GAK: variants seen among roughly 807,000 people sequenced by gnomAD.
The protein encoded by GAK is cyclin G associated kinase.
Under a neutral mutation model 143.9 loss-of-function variants are expected in GAK, and 79 were observed. The observed-to-expected ratio is 0.55, with a 90% CI of 0.46 to 0.66. GAK has a LOEUF of 0.66. Ranked by LOEUF, GAK falls within the 30% of genes least tolerant of loss-of-function variation. GAK has a pLI of 0.00. For missense variants in GAK, 1,693 were observed against 1,779.7 expected, an observed-to-expected ratio of 0.95 and a Z score of 0.88; for synonymous variants, 881 against 765.5, an observed-to-expected ratio of 1.15 and a Z score of -2.49.
chr4:867,272 C>T lies in GAK; in HGVS notation c.2556G>A (p.Leu852=), dbSNP rs1309035242. Reference sequence around the variant, plus strand: ...AGTCCTGCTGCACCAGCCCTGCTGCCAGGCCGGGGGGCTCTGGGTCGGCCC... The same window carrying T: ...AGTCCTGCTGCACCAGCCCTGCTGCTAGGCCGGGGGGCTCTGGGTCGGCCC... ...EPRADPEPPG[L]AAGLVQQDLV... Residue 852 remains leucine, a synonymous_variant, in exon 21 of 28, where the codon CTG becomes CTA. Transcript: ENST00000314167. The T allele has an allele frequency of 6.2e-7, 1 of 1,613,150 alleles. No individual in the cohort carries two copies. Among genetic ancestry groups the T allele is most frequent in the African/African-American group, 1.3e-5 (1 of 75,044 alleles).
At chr4:882,419 C>T (rs534010043) in intron 14 of GAK, among the ~76,000 whole-genome samples, 1 of 152,302 alleles carries the variant, frequency 6.6e-6, no homozygotes, top group East Asian at 1.9e-4. Context: ...CTTAGGTGGC[C>T]ACCGAGCAGG....
At chr4:895,597 G>A (rs1022884193) in intron 7 of GAK, among the ~76,000 whole-genome samples, 7 of 152,224 alleles carry the variant, frequency 4.6e-5, no homozygotes, top group Non-Finnish European at 8.8e-5. Flanking sequence ...CGGCTGACCC[G>A]GTCCGTAGGC....
intron 15 of GAK, among the ~76,000 whole-genome samples, chr4:881,697 A>T (rs1351058327): frequency 6.6e-6 from 1 of 152,242 alleles, no homozygotes; most frequent in Non-Finnish European, 1.5e-5. Flanking sequence ...GCCCCACAGC[A>T]GTCAGGACTA....
At position 866,370 on chromosome 4, in the gene GAK, G is replaced by A; in HGVS notation, c.3037C>T (p.His1013Tyr). The change falls in exon 22 of 28, where the codon CAC (histidine) becomes TAC (tyrosine). Residue 1013 changes from histidine to tyrosine, a missense_variant. By Grantham distance (83) the His-to-Tyr change is moderately conservative (BLOSUM62 2). Coordinates refer to ENST00000314167, the MANE Select transcript of GAK (RefSeq NM_005255.4). ...CCAGGCGAGAGGCACTTACCCAGGT[G>A]CAGGAAGTCGGCGCTGCAGGATGGG... ...PPPSCSADFL[H>Y]LGDLPGEPSK... 1.2e-6 allele frequency: 2 copies of A among 1,613,926 alleles called. No homozygotes were observed. The highest frequency in any genetic ancestry group is 8.5e-7 in the Non-Finnish European group (1 of 1,179,916).
intron 2 of GAK, 61 bp downstream of exon 2, chr4:913,546 T>C: frequency 2.3e-6 from 3 of 1,291,010 alleles, no homozygotes; most frequent in Middle Eastern, 1.8e-4. Context: ...GAAAAGACTG[T>C]CACCAGACAG....
chr4:893,933 T>A lies in GAK; in HGVS notation c.818A>T (p.Asn273Ile), dbSNP rs761647275. The change falls in exon 8 of 28, where the codon AAT becomes ATT. Residue 273 changes from asparagine to isoleucine, a missense_variant. Physicochemically the swap from Asn to Ile is moderately radical, Grantham distance 149 (BLOSUM62 -3). Transcript: ENST00000314167. ...FEDGAKLRIVNGKYSIPPHDT... is the reference protein window; with the variant it reads ...FEDGAKLRIVIGKYSIPPHDT... ...GTGCGGGGGGATCGAGTACTTCCCA[T>A]TGACTATTCGAAGTTTCGCTCCATC... 10 of 1,612,822 alleles carry A rather than the reference T, an allele frequency of 6.2e-6. No homozygotes were observed. The highest frequency in any genetic ancestry group is 1.3e-5 in the African/African-American group (1 of 74,908).
intron 5 of GAK, among the ~76,000 whole-genome samples, chr4:900,925 T>C (rs142949242): frequency 6.6e-6 from 1 of 152,208 alleles, no homozygotes; most frequent in Non-Finnish European, 1.5e-5. Context: ...GGCCTGGGGC[T>C]CAGGAGCAGG....
intron 5 of GAK, among the ~76,000 whole-genome samples, chr4:903,662 G>A (rs1437036766): frequency 1.3e-5 from 2 of 151,498 alleles, no homozygotes; most frequent in African/African-American, 2.4e-5. Context: ...AAGGAGCGTG[G>A]GGTGAGCAGG....
Position 893,896 on chromosome 4 carries a change from G to A in GAK, c.855C>T (p.Tyr285=), listed in dbSNP as rs140104121. The change falls in exon 8 of 28, where the codon TAC becomes TAT. Residue 285 remains tyrosine (Y), a synonymous_variant. Transcript: ENST00000314167. ...TACGGATGAGGCTGTGGAAGACCGT[G>A]TACTGCGTGTCGTGCGGGGGGATCG... ...KYSIPPHDTQ[Y]TVFHSLIRAM... is the part of the protein sequence containing the mutation. 6.2e-4 allele frequency: 997 copies of A among 1,607,338 alleles called. 1 individual carries two copies. Among genetic ancestry groups the A allele is most frequent in the Non-Finnish European group, 7.9e-4 (925 of 1,176,678 alleles).
intron 24 of GAK, among the ~76,000 whole-genome samples, chr4:856,528 C>T (rs1749270118): frequency 7.0e-6 from 1 of 143,544 alleles, no homozygotes; most frequent in Admixed American, 6.9e-5. Context: ...CACCTGCTCA[C>T]CACCACAGCT....
intron 24 of GAK, 145 bp from the exon 25 acceptor site, chr4:852,119 G>A: frequency 1.4e-6 from 1 of 735,774 alleles, no homozygotes; most frequent in Non-Finnish European, 2.3e-6. Flanking sequence ...AGAGGTGCCG[G>A]CTCCACCCAC....
At chr4:890,353 G>A (rs563065234) in intron 10 of GAK, among the ~76,000 whole-genome samples, 179 bp downstream of exon 10, 1 of 152,264 alleles carries the variant, frequency 6.6e-6, no homozygotes, top group African/African-American at 2.4e-5. Context: ...TGAGCTCTGT[G>A]AGCCCCAGGG....
In GAK at chr4:906,497, C is replaced by G. The variant is rs1275882462; in HGVS notation, c.383-1718G>C. ...GCTGAGGACCTGCTGGGGACTGAAG[C>G]ATTCACACTGCCAGTCACCCCAGCA... On this transcript the variant is annotated intron_variant, in intron 4 of 27. Transcript: ENST00000314167. Among the ~76,000 whole-genome samples the G allele has an allele frequency of 3.3e-5, 5 of 152,144 alleles. No individual in the cohort carries two copies. The East Asian group carries it at 9.6e-4, about 29-fold the overall frequency.
chr4:876,744 CAT>C (rs2152793304), intron 17 of GAK, 135 bp from the exon 18 acceptor site: 3 of 740,658 alleles, frequency 4.1e-6, no homozygotes, highest in East Asian at 5.2e-5. Context: ...CCCCGTGCCA[CAT>C]GTTGTGGGGG....
In GAK at chr4:866,421, A is replaced by G. The variant is rs1238691254; in HGVS notation, c.2986T>C (p.Phe996Leu). 3 of 1,613,992 alleles carry G rather than the reference A, an allele frequency of 1.9e-6. No homozygotes were observed. Among genetic ancestry groups the G allele is most frequent in the Admixed American group, 1.7e-5 (1 of 60,000 alleles). The change falls in exon 22 of 28, where the codon TTC becomes CTC. Residue 996 changes from phenylalanine (F) to leucine (L), a missense_variant. Coordinates refer to ENST00000314167, the MANE Select transcript of GAK (RefSeq NM_005255.4). ...NSDSVTVPPS[F>L]PSAHSAPPPS... The stretch of plus-strand genomic sequence containing the variant: ...GGCGGAGCACTGTGGGCAGACGGGA[A>G]GGATGGTGGGACGGTCACAGAGTCC...
intron 13 of GAK, 25 bp from the exon 14 acceptor site, chr4:882,844 C>T (rs377097763): frequency 5.8e-5 from 93 of 1,601,860 alleles, no homozygotes; most frequent in Non-Finnish European, 7.1e-5. Flanking sequence ...CACGGTGGCA[C>T]GGACGGCAGA....
chr4:899,037 A>C (rs1382119007), intron 5 of GAK, among the ~76,000 whole-genome samples: 1 of 152,102 alleles, frequency 6.6e-6, no homozygotes, highest in Admixed American at 6.5e-5. Flanking sequence ...ACGCGTGACA[A>C]GGCAGCAACG....
Position 931,960 on chromosome 4 carries a change from T to C in GAK, c.145+83A>G. On this transcript the variant is annotated intron_variant, in intron 1 of 27. Coordinates refer to ENST00000314167, the MANE Select transcript of GAK (RefSeq NM_005255.4). ...CCCTCCCCAGCCCTAACCCACGCCC[T>C]TCCACTCCGGGCTGACGCTGCCCCC... is the stretch of plus-strand genomic sequence containing the variant. 3.8e-6 allele frequency: 4 copies of C among 1,040,786 alleles called. No homozygotes were observed. The South Asian group carries it at 5.5e-5, about 14-fold the overall frequency. The allele number at this position is 1,040,786 out of a possible 1,614,324, so 64.5% of individuals were successfully genotyped here. A position where few individuals can be genotyped will look rare whatever the true frequency, so the allele number is the denominator to read the frequency against.
chr4:902,383 T>C (rs1357786643), intron 5 of GAK, among the ~76,000 whole-genome samples: 1 of 151,346 alleles, frequency 6.6e-6, no homozygotes, highest in Non-Finnish European at 1.5e-5. Context: ...GGCGGGTGGA[T>C]CACTCGAGCT....
Sources: gnomAD v4.1 joint callset for allele counts (sites outside exome capture counted in the v4.1 genomes callset) on GRCh38, gnomAD v4.1.1 for gene constraint, MANE v1.5 for transcripts, NCBI Gene and HGNC (gene_info 2026-07-23, HGNC 2026-07-21) for gene names.